NFU1: variants seen among roughly 807,000 people sequenced by gnomAD.
The protein encoded by NFU1 is NFU1 iron-sulfur cluster scaffold homolog, mitochondrial.
Under a neutral mutation model 32.2 loss-of-function variants are expected in NFU1, and 30 were observed. The observed-to-expected ratio is 0.93, with a 90% CI of 0.70 to 1.26. The LOEUF (loss-of-function observed/expected upper bound fraction) is 1.26. Among genes scored for constraint, NFU1 ranks in the 50% most tolerant of loss-of-function variants. The probability of loss-of-function intolerance (pLI) is 0.00; values close to 1 mark genes in which losing one functional copy is unlikely to be tolerated. For missense variants in NFU1, 306 were observed against 306.6 expected (o/e 1.00, Z 0.02); for synonymous variants, 112 against 104.6 (o/e 1.07, Z -0.43).
chr2:69,400,334 A>T, intron 7 of NFU1, 30 bp downstream of exon 7: 1 of 1,597,308 alleles, frequency 6.3e-7, no homozygotes, highest in Non-Finnish European at 8.6e-7. Context: ...AAATGAAAAA[A>T]ATCTAGACTG....
chr2:69,412,075 G>A (rs558452769), intron 5 of NFU1, among the ~76,000 whole-genome samples: 17 of 151,998 alleles, frequency 1.1e-4, no homozygotes, highest in Non-Finnish European at 2.1e-4. Flanking sequence ...GCGGGGGGAC[G>A]GAGTCTCGCT....
In NFU1 at chr2:69,421,660, C is replaced by CG. The variant is rs779047485; in HGVS notation, c.302+1921dup. On this transcript the variant is annotated intron_variant, in intron 3 of 7. Coordinates refer to ENST00000410022, the MANE Select transcript of NFU1 (RefSeq NM_001002755.4). ...TCGGCTCACTGCAAGCTCTGCCTCCCGGGTTCATGCCATTCTCCTGCCTCA... is the reference window on the plus strand; with the variant it reads ...TCGGCTCACTGCAAGCTCTGCCTCCCGGGGTTCATGCCATTCTCCTGCCTCA... Among the ~76,000 whole-genome samples the CG allele has an allele frequency of 9.3e-5, 14 of 150,992 alleles. No homozygotes were observed. The East Asian group carries it at 1.9e-3, about 21-fold the overall frequency.
At chr2:69,433,330 C>T (rs903070134) in intron 1 of NFU1, among the ~76,000 whole-genome samples, 3 of 151,846 alleles carry the variant, frequency 2.0e-5, no homozygotes, top group Admixed American at 6.6e-5. Flanking sequence ...AGGTGCCCGC[C>T]ACCATGCCTG....
At chr2:69,412,353 C>CA (rs1009912435) in intron 5 of NFU1, among the ~76,000 whole-genome samples, 1 of 151,220 alleles carries the variant, frequency 6.6e-6, no homozygotes, top group African/African-American at 2.4e-5. Flanking sequence ...CAGGCCTCTA[C>CA]AAAAAAATTT....
rs922177094 is a variant in NFU1 at position 69,407,293 on chromosome 2, G to A, written c.485-1211C>T. On this transcript the variant is annotated intron_variant, in intron 5 of 7. Transcript: ENST00000410022. ...TCTTCTGAGCACAAAGTTAGCCTTT[G>A]AGAAAACCAAAAATATGGAGATTTC... Among the ~76,000 whole-genome samples, 31 of 152,190 alleles carry A rather than the reference G, an allele frequency of 2.0e-4. No individual in the cohort carries two copies. In the Middle Eastern group the frequency reaches 0.02, roughly 100 times the overall value.
intron 4 of NFU1, among the ~76,000 whole-genome samples, chr2:69,418,113 T>TG (rs58837296): frequency 0.44 from 67,374 of 151,980 alleles, 15,258 homozygotes; most frequent in African/African-American, 0.52. Context: ...AACTGAAGAA[T>TG]GGGGGGCTGG....
In NFU1 at chr2:69,419,623, T is replaced by C. The variant is rs141033711; in HGVS notation, c.303-19A>G. 2.7e-4 allele frequency: 387 copies of C among 1,415,348 alleles called. No homozygotes were observed. Among genetic ancestry groups the C allele is most frequent in the Non-Finnish European group, 3.1e-4 (312 of 1,006,994 alleles). The allele number at this position is 1,415,348 out of a possible 1,614,324, so 87.7% of individuals were successfully genotyped here. On this transcript the variant is annotated intron_variant, in intron 3 of 7. Transcript: ENST00000410022. ...TAACTGCCTGCAAAAAAAGAAAAAA[T>C]AAGAGATATTAAAATGCTTGATTAT...
intron 6 of NFU1, among the ~76,000 whole-genome samples, chr2:69,403,595 G>A (rs1672595157): frequency 6.6e-6 from 1 of 151,924 alleles, no homozygotes; most frequent in African/African-American, 2.4e-5. Context: ...ATGTTGCCAG[G>A]GTGGTCTCTA....
intron 6 of NFU1, among the ~76,000 whole-genome samples, chr2:69,400,974 CAA>C (rs1169063208): frequency 2.0e-5 from 3 of 151,968 alleles, no homozygotes; most frequent in Non-Finnish European, 4.4e-5. Context: ...TTAAATAAAA[CAA>C]TATTTTACAG....
chr2:69,428,694 G>A (rs1673544386), intron 2 of NFU1, among the ~76,000 whole-genome samples: 1 of 151,920 alleles, frequency 6.6e-6, no homozygotes, highest in African/African-American at 2.4e-5. Context: ...GGCATAATAG[G>A]AAAATACATT....
At chr2:69,414,571 T>C (rs1008606264) in intron 5 of NFU1, among the ~76,000 whole-genome samples, 5 of 142,138 alleles carry the variant, frequency 3.5e-5, no homozygotes, top group Admixed American at 1.5e-4. Context: ...TGAGCCAACA[T>C]TGCGTCACTG....
upstream of NFU1, chr2:69,437,489 C>G (rs763029309): frequency 3.8e-6 from 6 of 1,565,340 alleles, no homozygotes; most frequent in Non-Finnish European, 5.2e-6. Context: ...CGCAGGCTGG[C>G]CGGTAGCTGG....
At chr2:69,399,531 T>C (rs889338271) in intron 7 of NFU1, 5 of 229,442 alleles carry the variant, frequency 2.2e-5, no homozygotes, top group African/African-American at 7.1e-5. Context: ...GTTGTGTTAA[T>C]CCTTAATCCC....
chr2:69,406,553 T>C (rs914127354), intron 5 of NFU1, among the ~76,000 whole-genome samples: 2 of 152,186 alleles, frequency 1.3e-5, no homozygotes, highest in Non-Finnish European at 2.9e-5. Flanking sequence ...GTAAGCCTTC[T>C]GGAAATTTCT....
intron 2 of NFU1, among the ~76,000 whole-genome samples, chr2:69,426,324 C>T (rs1673453525): frequency 1.3e-5 from 2 of 150,996 alleles, no homozygotes; most frequent in African/African-American, 2.4e-5. Flanking sequence ...CTCGCTCTGT[C>T]GCCCAAGCTG....
chr2:69,418,888 G>A (rs1340590084), intron 4 of NFU1, among the ~76,000 whole-genome samples: 3 of 152,032 alleles, frequency 2.0e-5, no homozygotes, highest in Non-Finnish European at 4.4e-5. Context: ...TTTAAGTTCC[G>A]TGGATATATG....
chr2:69,430,462 G>A (rs901703475), intron 2 of NFU1, among the ~76,000 whole-genome samples: 3 of 151,982 alleles, frequency 2.0e-5, no homozygotes, highest in Non-Finnish European at 4.4e-5. Context: ...GGATCTGCCC[G>A]CCTCAGCCTC....
chr2:69,396,114 G>C (rs766040354), downstream of NFU1: 5 of 735,982 alleles, frequency 6.8e-6, no homozygotes, highest in East Asian at 1.3e-4. Context: ...AAGCAAACAT[G>C]CAATATTTAT....
At chr2:69,417,809 G>A (rs1673105997) in intron 4 of NFU1, among the ~76,000 whole-genome samples, 2 of 149,446 alleles carry the variant, frequency 1.3e-5, no homozygotes, top group African/African-American at 2.5e-5. Flanking sequence ...AATAATGAAA[G>A]TAAGAGAGCT....
Sources: gnomAD v4.1 joint callset for allele counts (sites outside exome capture counted in the v4.1 genomes callset) on GRCh38, gnomAD v4.1.1 for gene constraint, MANE v1.5 for transcripts, NCBI Gene and HGNC (gene_info 2026-07-23, HGNC 2026-07-21) for gene names.